Variants in STS observed in about 807,000 individuals in gnomAD.
STS encodes the protein steryl-sulfatase.
In STS, 7 loss-of-function variants were observed where a neutral mutation model predicts 26.8. The observed-to-expected ratio is 0.26, with a 90% CI of 0.15 to 0.49. STS has a LOEUF of 0.49. STS is among the 20% of genes least tolerant of loss of function. The pLI is 0.98. For missense variants in STS, 434 were observed against 465.6 expected (o/e 0.93, Z 0.63); for synonymous variants, 199 against 189.4 (o/e 1.05, Z -0.42).
intron 2 of STS, among the ~76,000 whole-genome samples, chrX:7,194,960 A>G (rs1351263146): frequency 1.8e-5 from 2 of 111,690 alleles, no homozygotes; most frequent in African/African-American, 6.5e-5. Context: ...CGTACTGAAT[A>G]CTGCAGGCGG....
At chrX:7,324,466 G>T (rs1927271778) in intron 8 of STS, among the ~76,000 whole-genome samples, 1 of 112,004 alleles carries the variant, frequency 8.9e-6, no homozygotes, top group South Asian at 3.8e-4. Context: ...TCTACAGAAT[G>T]TAGATTTTCT....
intron 8 of STS, among the ~76,000 whole-genome samples, chrX:7,310,289 G>T (rs750382823): frequency 8.9e-6 from 1 of 112,066 alleles, no homozygotes; most frequent in Non-Finnish European, 1.9e-5. Context: ...GCTTCTTTGG[G>T]ACCTTAGGAG....
chrX:7,313,808 T>C (rs1170624262), intron 8 of STS, among the ~76,000 whole-genome samples: 1 of 112,284 alleles, frequency 8.9e-6, no homozygotes, highest in African/African-American at 3.2e-5. Context: ...AAAGACAGAA[T>C]GCCTCTAAAT....
chrX:7,206,299 A>G (rs1342183387), intron 2 of STS, among the ~76,000 whole-genome samples: 1 of 112,042 alleles, frequency 8.9e-6, no homozygotes, highest in Non-Finnish European at 1.9e-5. Flanking sequence ...CCTGTTATCA[A>G]TCACCTTGGC....
chrX:7,316,239 C>T (rs895813541), intron 8 of STS, among the ~76,000 whole-genome samples: 37 of 111,927 alleles, frequency 3.3e-4, no homozygotes, highest in African/African-American at 1.2e-3. Context: ...TGTGACACTT[C>T]CCCCCGATGC....
At chrX:7,149,968 G>A (rs1474915857) in intron 1 of STS, among the ~76,000 whole-genome samples, 2 of 111,834 alleles carry the variant, frequency 1.8e-5, no homozygotes, top group African/African-American at 3.2e-5. Flanking sequence ...CTGAGGTAGC[G>A]GGGATGAGGA....
chrX:7,190,117 A>C (rs941430610), intron 1 of STS, among the ~76,000 whole-genome samples: 1 of 110,640 alleles, frequency 9.0e-6, no homozygotes. Context: ...TTATTATTAC[A>C]TTGTAATATA....
intron 1 of STS, among the ~76,000 whole-genome samples, chrX:7,177,081 A>G (rs1933585378): frequency 9.0e-6 from 1 of 111,670 alleles, no homozygotes; most frequent in Admixed American, 9.6e-5. Context: ...TCTCTGAGAT[A>G]ATCCAGGATC....
intron 2 of STS, among the ~76,000 whole-genome samples, chrX:7,206,229 T>C (rs1189204637): frequency 6.2e-5 from 7 of 112,364 alleles, no homozygotes; most frequent in Non-Finnish European, 1.3e-4. Flanking sequence ...TCCTCTGGAA[T>C]ATCTATTAGC....
intron 7 of STS, among the ~76,000 whole-genome samples, chrX:7,277,083 G>A (rs766654503): frequency 9.0e-6 from 1 of 111,044 alleles, no homozygotes; most frequent in East Asian, 2.9e-4. Flanking sequence ...TTACGCAAAG[G>A]AGTGAAAAAT....
intron 2 of STS, among the ~76,000 whole-genome samples, chrX:7,227,699 TA>T (rs1483091214): frequency 7.2e-5 from 8 of 111,762 alleles, no homozygotes; most frequent in African/African-American, 2.6e-4. Flanking sequence ...GCAATATGTT[TA>T]AAAAATGTTT....
intron 2 of STS, among the ~76,000 whole-genome samples, chrX:7,210,470 TTTTA>T (rs1444117155): frequency 9.3e-6 from 1 of 107,557 alleles, no homozygotes; most frequent in African/African-American, 3.3e-5. Flanking sequence ...AATATAAATG[TTTTA>T]TTTTAAATAA....
intron 2 of STS, among the ~76,000 whole-genome samples, chrX:7,205,954 A>G (rs959424519): frequency 9.1e-6 from 1 of 109,458 alleles, no homozygotes; most frequent in Non-Finnish European, 1.9e-5. Flanking sequence ...TCATTGCATA[A>G]TTGTCTTGTA....
intron 2 of STS, among the ~76,000 whole-genome samples, chrX:7,201,176 G>A (rs1934065756): frequency 9.0e-6 from 1 of 111,187 alleles, no homozygotes; most frequent in African/African-American, 3.3e-5. Flanking sequence ...ATAGATAGGT[G>A]GATGGATGGA....
intron 9 of STS, among the ~76,000 whole-genome samples, chrX:7,325,719 G>C (rs1232158390): frequency 3.6e-5 from 4 of 112,397 alleles, no homozygotes; most frequent in Non-Finnish European, 7.5e-5. Context: ...AAGATACAGG[G>C]GAAATTGTTC....
intron 2 of STS, among the ~76,000 whole-genome samples, chrX:7,220,612 G>C (rs746140947): frequency 1.0e-5 from 1 of 97,526 alleles, no homozygotes; most frequent in South Asian, 5.3e-4. Context: ...GCAGTGGCGC[G>C]ATCTCGGCTC....
At chrX:7,230,193 A>C (rs1403967374) in intron 2 of STS, among the ~76,000 whole-genome samples, 3 of 111,575 alleles carry the variant, frequency 2.7e-5, no homozygotes, top group Non-Finnish European at 1.9e-5. Flanking sequence ...GTCCATCCTC[A>C]GCTTTTTGAT....
chrX:7,212,156 G>T (rs762614071), intron 2 of STS, among the ~76,000 whole-genome samples: 20 of 111,958 alleles, frequency 1.8e-4, no homozygotes, highest in African/African-American at 4.9e-4. Flanking sequence ...AGGGGATGTG[G>T]TTATTAATGA....
chrX:7,252,501 G>A (rs1281890943), intron 2 of STS, among the ~76,000 whole-genome samples: 1 of 111,685 alleles, frequency 9.0e-6, no homozygotes, highest in Non-Finnish European at 1.9e-5. Context: ...GCAGGGTGGG[G>A]CAGCAAAACC....
Sources: allele counts gnomAD v4.1 joint callset (sites outside exome capture counted in the v4.1 genomes callset), GRCh38; gene constraint gnomAD v4.1.1; transcripts MANE v1.5; gene names NCBI Gene and HGNC (gene_info 2026-07-23, HGNC 2026-07-21).